GPHN: variants seen among roughly 807,000 people sequenced by gnomAD.
GPHN encodes the protein gephyrin.
A neutral mutation model predicts 95.5 loss-of-function variants in GPHN; 17 were observed. The ratio of observed to expected loss-of-function variants is 0.18; its 90% CI spans 0.12 to 0.27. The LOEUF (loss-of-function observed/expected upper bound fraction) is 0.27, where lower values mean the gene tolerates loss of function less well. Among genes scored for constraint, GPHN ranks in the 10% least tolerant of loss-of-function variants. GPHN has a pLI of 1.00. For missense variants in GPHN, 660 were observed against 978.1 expected (o/e 0.67, Z 4.34); for synonymous variants, 320 against 322.5 (o/e 0.99, Z 0.08).
chr14:66,750,408 T>A (rs1595779032), intron 2 of GPHN, among the ~76,000 whole-genome samples: 1 of 151,944 alleles, frequency 6.6e-6, no homozygotes, highest in East Asian at 1.9e-4. Flanking sequence ...GACTTATAAT[T>A]GTAGTCTCTG....
chr14:66,782,594 C>T (rs1391184527), intron 3 of GPHN, among the ~76,000 whole-genome samples: 3 of 152,006 alleles, frequency 2.0e-5, no homozygotes, highest in South Asian at 2.1e-4. Context: ...CCAAGGCGGG[C>T]GGATCACGAG....
the GPHN span, chr14:67,677,549 C>T: frequency 6.6e-6 from 1 of 151,518 alleles, no homozygotes; most frequent in East Asian, 1.9e-4. Flanking sequence ...TCATTTTGTG[C>T]ATTATCTTCC....
rs577026554 is a variant in GPHN, at chr14:66,589,258, G to A, written c.64+80667G>A. On this transcript the variant is annotated intron_variant, in intron 1 of 22. Coordinates refer to ENST00000478722, the MANE Select transcript of GPHN (RefSeq NM_020806.5). ...GCACTAAATATGGGAAGAAAAAACC[G>A]GTACCAGCCACTGCAAAAACATACC... Among the ~76,000 whole-genome samples, 16 of 152,172 alleles carry A rather than the reference G, an allele frequency of 1.1e-4. No individual in the cohort carries two copies. In the South Asian group the frequency reaches 1.5e-3, roughly 14 times the overall value.
At chr14:67,027,914 A>T (rs566325552) in intron 10 of GPHN, among the ~76,000 whole-genome samples, 2 of 152,258 alleles carry the variant, frequency 1.3e-5, no homozygotes, top group African/African-American at 4.8e-5. Flanking sequence ...AGTTATTTTG[A>T]AATATACAAT....
chr14:67,340,516 T>C, the GPHN span: 3 of 1,576,912 alleles, frequency 1.9e-6, no homozygotes, highest in East Asian at 2.3e-5. Flanking sequence ...CGGGGAATGA[T>C]GACTAGAATA....
At chr14:67,383,494 G>A in the GPHN span, 21 of 1,602,302 alleles carry the variant, frequency 1.3e-5, no homozygotes, top group African/African-American at 4.0e-5. Context: ...CTTCCTGGCT[G>A]TAAATCCTAG....
chr14:66,670,719 G>A (rs911160096), intron 1 of GPHN, among the ~76,000 whole-genome samples: 1 of 152,148 alleles, frequency 6.6e-6, no homozygotes, highest in East Asian at 1.9e-4. Context: ...TTGAGCCTAG[G>A]CGGTGGAGGT....
chr14:66,879,249 C>G (rs914986166), intron 4 of GPHN, among the ~76,000 whole-genome samples: 2 of 151,558 alleles, frequency 1.3e-5, no homozygotes, highest in Non-Finnish European at 2.9e-5. Context: ...GGAGAAATAC[C>G]TAATATAGAC....
intron 21 of GPHN, among the ~76,000 whole-genome samples, chr14:67,173,924 A>G (rs1004447047): frequency 2.0e-5 from 3 of 152,222 alleles, no homozygotes; most frequent in African/African-American, 7.2e-5. Flanking sequence ...AATGCAATAG[A>G]GAGCTTCAAT....
At chr14:67,689,930 G>A in the GPHN span, 1 of 346,528 alleles carries the variant, frequency 2.9e-6, no homozygotes, top group Non-Finnish European at 5.6e-6. Context: ...GGGTGACAGA[G>A]CAAGATCCCG....
At chr14:67,401,521 A>G in the GPHN span, among the ~76,000 whole-genome samples, 1 of 151,858 alleles carries the variant, frequency 6.6e-6, no homozygotes, top group South Asian at 2.1e-4. Context: ...CTAAAACAAC[A>G]ATAATAATAA....
At chr14:67,192,659 A>G in the GPHN span, among the ~76,000 whole-genome samples, 5 of 151,964 alleles carry the variant, frequency 3.3e-5, no homozygotes, top group African/African-American at 1.2e-4. Flanking sequence ...CACTCTTTAC[A>G]AGACATTGTC....
the GPHN span, among the ~76,000 whole-genome samples, chr14:67,436,939 C>G: frequency 6.6e-6 from 1 of 152,134 alleles, no homozygotes; most frequent in Non-Finnish European, 1.5e-5. Context: ...CACCTGTAGT[C>G]CCAGCTACAT....
At chr14:66,871,775 C>T (rs1000103895) in intron 4 of GPHN, among the ~76,000 whole-genome samples, 3 of 141,870 alleles carry the variant, frequency 2.1e-5, no homozygotes, top group Admixed American at 7.0e-5. Context: ...GGCCTGTCGG[C>T]GGGGTGAGGG....
chr14:67,423,067 A>T, the GPHN span, among the ~76,000 whole-genome samples: 1 of 151,842 alleles, frequency 6.6e-6, no homozygotes, highest in Non-Finnish European at 1.5e-5. Context: ...TCCCAACCTT[A>T]GGTGATCTGC....
At chr14:67,418,537 C>T in the GPHN span, among the ~76,000 whole-genome samples, 1 of 152,206 alleles carries the variant, frequency 6.6e-6, no homozygotes, top group African/African-American at 2.4e-5. Flanking sequence ...CTTTGAGCAC[C>T]ATTGCTTGGT....
At chr14:66,515,361 G>T (rs1039073799) in intron 1 of GPHN, among the ~76,000 whole-genome samples, 1 of 152,078 alleles carries the variant, frequency 6.6e-6, no homozygotes, top group Non-Finnish European at 1.5e-5. Flanking sequence ...ATTACTAAAA[G>T]GATAGTTTAG....
At chr14:67,500,081 C>T in the GPHN span, among the ~76,000 whole-genome samples, 4 of 152,086 alleles carry the variant, frequency 2.6e-5, no homozygotes, top group African/African-American at 4.8e-5. Context: ...GCCCGTAGTC[C>T]CAGCTACTCA....
At chr14:66,545,415 G>A (rs569154531) in intron 1 of GPHN, among the ~76,000 whole-genome samples, 149 of 133,286 alleles carry the variant, frequency 1.1e-3, no homozygotes, top group Non-Finnish European at 1.8e-3. Flanking sequence ...CGGATGGGGC[G>A]GCTGGCCGGG....
Sources: allele counts gnomAD v4.1 joint callset (sites outside exome capture counted in the v4.1 genomes callset), GRCh38; gene constraint gnomAD v4.1.1; transcripts MANE v1.5; gene names NCBI Gene and HGNC (gene_info 2026-07-23, HGNC 2026-07-21).